Variants in KCNIP4 observed in about 807,000 individuals in gnomAD.
KCNIP4 encodes the protein Kv channel-interacting protein 4.
KCNIP4 carries 12 observed loss-of-function variants against 34.0 expected under a neutral mutation model. The observed-to-expected ratio is 0.35, with a 90% CI of 0.23 to 0.57. The LOEUF (loss-of-function observed/expected upper bound fraction) is 0.57, where lower values mean the gene tolerates loss of function less well. Ranked by LOEUF, KCNIP4 falls within the 20% of genes least tolerant of loss-of-function variation. KCNIP4 has a pLI of 0.83. For synonymous variants in KCNIP4, 124 were observed against 102.2 expected (o/e 1.21, Z -1.29); for missense variants, 238 against 311.7 (o/e 0.76, Z 1.78).
At chr4:20,892,082 A>C in intron 1 of KCNIP4, among the ~76,000 whole-genome samples, 1 of 152,340 alleles carries the variant, frequency 6.6e-6, no homozygotes, top group Non-Finnish European at 1.5e-5. Flanking sequence ...TTTTAAGAGA[A>C]GTAGCAACAG....
chr4:20,795,646 A>G (rs1024929784), intron 3 of KCNIP4, among the ~76,000 whole-genome samples: 18 of 152,178 alleles, frequency 1.2e-4, no homozygotes, highest in Non-Finnish European at 2.4e-4. Flanking sequence ...CAATTTCACA[A>G]TATCTGCTAA....
chr4:21,564,946 T>G (rs1739737697), intron 1 of KCNIP4, among the ~76,000 whole-genome samples: 1 of 152,100 alleles, frequency 6.6e-6, no homozygotes, highest in African/African-American at 2.4e-5. Flanking sequence ...CTAACCCCCT[T>G]GAGTCAAACA....
At chr4:20,877,059 C>T (rs149304987) in intron 2 of KCNIP4, among the ~76,000 whole-genome samples, 15 of 152,252 alleles carry the variant, frequency 9.9e-5, no homozygotes, top group African/African-American at 2.6e-4. Flanking sequence ...GGAAGGCTGA[C>T]CTTTGTGGAC....
intron 1 of KCNIP4, among the ~76,000 whole-genome samples, chr4:21,737,733 C>A (rs1400146611): frequency 6.6e-6 from 1 of 151,986 alleles, no homozygotes; most frequent in Non-Finnish European, 1.5e-5. Context: ...TATTTAAATA[C>A]AAATGTTTAA....
chr4:21,025,424 C>A (rs1159993301), intron 1 of KCNIP4, among the ~76,000 whole-genome samples: 1 of 145,132 alleles, frequency 6.9e-6, no homozygotes, highest in Non-Finnish European at 1.5e-5. Context: ...GACAAAACTG[C>A]TGCCAGAAGT....
intron 1 of KCNIP4, among the ~76,000 whole-genome samples, chr4:21,139,231 T>C (rs1162823778): frequency 6.6e-6 from 1 of 152,206 alleles, no homozygotes; most frequent in Non-Finnish European, 1.5e-5. Flanking sequence ...CATAGGTGCA[T>C]TACTCGTTTC....
intron 1 of KCNIP4, among the ~76,000 whole-genome samples, chr4:21,712,321 T>C (rs1159775545): frequency 2.6e-5 from 4 of 152,218 alleles, no homozygotes; most frequent in Non-Finnish European, 5.9e-5. Context: ...CAAAATGAAC[T>C]GGCGTTCTTG....
At chr4:21,242,880 CTGTGTGTGTGTGTGTG>C (rs56347755) in intron 1 of KCNIP4, among the ~76,000 whole-genome samples, 11,809 of 149,246 alleles carry the variant, frequency 0.079, 539 homozygotes, top group East Asian at 0.15. Context: ...GTGTGTGTAT[CTGTGTGTGTGTGTGTG>C]TGTGTGTGTG....
rs73102122 is a variant in KCNIP4 at position 21,328,586 on chromosome 4, C to T, written c.62-445877G>A. Among the ~76,000 whole-genome samples the T allele has an allele frequency of 1.0e-3, 153 of 152,318 alleles. 1 individual carries two copies. Among genetic ancestry groups the T allele is most frequent in the African/African-American group, 3.6e-3 (150 of 41,582 alleles). On this transcript the variant is annotated intron_variant, in intron 1 of 8. Coordinates refer to ENST00000382152, the MANE Select transcript of KCNIP4 (RefSeq NM_025221.6). ...GCCCACAGTAACCACTGCCTGGCTA[C>T]CTGCCTGTGTTCACTCATTTCTTTA...
intron 1 of KCNIP4, among the ~76,000 whole-genome samples, chr4:21,714,489 A>C (rs4697235): frequency 0.2 from 29,625 of 149,706 alleles, 3,013 homozygotes; most frequent in Middle Eastern, 0.27. Flanking sequence ...GGGAGGAAGG[A>C]GATAGAGACA....
intron 1 of KCNIP4, among the ~76,000 whole-genome samples, chr4:21,455,864 G>C (rs1389292350): frequency 1.2e-5 from 1 of 86,120 alleles, no homozygotes. Context: ...TATGGACTTA[G>C]ATACAATTGT....
chr4:21,273,199 A>C (rs1016120294), intron 1 of KCNIP4, among the ~76,000 whole-genome samples: 3 of 152,138 alleles, frequency 2.0e-5, no homozygotes, highest in South Asian at 2.1e-4. Context: ...GATCCCCTTG[A>C]CTTAACACAA....
At chr4:21,779,595 G>A (rs1272653583) in intron 1 of KCNIP4, among the ~76,000 whole-genome samples, 5 of 152,020 alleles carry the variant, frequency 3.3e-5, no homozygotes, top group Non-Finnish European at 7.4e-5. Context: ...AGGACCAGGA[G>A]AGGAAAAATA....
chr4:20,814,262 T>C (rs1716122165), intron 3 of KCNIP4, among the ~76,000 whole-genome samples: 1 of 152,208 alleles, frequency 6.6e-6, no homozygotes, highest in Non-Finnish European at 1.5e-5. Flanking sequence ...CACTGATATT[T>C]AGGACTTATC....
At chr4:21,647,464 G>A (rs922135004) in intron 1 of KCNIP4, among the ~76,000 whole-genome samples, 6 of 152,036 alleles carry the variant, frequency 3.9e-5, no homozygotes, top group African/African-American at 1.2e-4. Flanking sequence ...CCCTTACTCC[G>A]TGCTTATCAT....
intron 1 of KCNIP4, among the ~76,000 whole-genome samples, chr4:21,486,921 C>A (rs1015293628): frequency 4.6e-5 from 7 of 151,760 alleles, no homozygotes; most frequent in African/African-American, 1.7e-4. Context: ...CCTCGGTCTC[C>A]TGAGTAGCTG....
chr4:21,918,047 C>A (rs1420157312), intron 1 of KCNIP4, among the ~76,000 whole-genome samples: 1 of 152,158 alleles, frequency 6.6e-6, no homozygotes, highest in Non-Finnish European at 1.5e-5. Context: ...GACTTTGACA[C>A]CCCCATTAGG....
chr4:21,815,904 A>T (rs1418529073), intron 1 of KCNIP4, among the ~76,000 whole-genome samples: 3 of 152,108 alleles, frequency 2.0e-5, no homozygotes, highest in Non-Finnish European at 4.4e-5. Context: ...GTAGGAACTA[A>T]TTGGGTTTTT....
chr4:21,088,615 G>A (rs748627802), intron 1 of KCNIP4, among the ~76,000 whole-genome samples: 3 of 152,110 alleles, frequency 2.0e-5, no homozygotes, highest in Non-Finnish European at 4.4e-5. Flanking sequence ...CTGTGTTCCA[G>A]CCCAACTAAC....
Sources: gnomAD v4.1 joint callset for allele counts (sites outside exome capture counted in the v4.1 genomes callset) on GRCh38, gnomAD v4.1.1 for gene constraint, MANE v1.5 for transcripts, NCBI Gene and HGNC (gene_info 2026-07-23, HGNC 2026-07-21) for gene names.